The following MACF1 variants were observed in gnomAD, a reference collection of about 807,000 sequenced individuals.
MACF1 encodes microtubule-actin cross-linking factor 1.
A neutral mutation model predicts 854.8 loss-of-function variants in MACF1; 193 were observed. That is an observed-to-expected ratio of 0.23 (90% CI 0.20 to 0.25). MACF1 has a LOEUF of 0.25. Ranked by LOEUF, MACF1 falls within the 10% of genes least tolerant of loss-of-function variation. MACF1 has a pLI of 1.00. For missense variants in MACF1, 7,722 were observed against 8,929.1 expected, an observed-to-expected ratio of 0.86 and a Z score of 5.45; for synonymous variants, 3,185 against 3,226.7, an observed-to-expected ratio of 0.99 and a Z score of 0.44.
In MACF1 at chr1:39,336,371, G is replaced by A. The variant is rs2148475750; in HGVS notation, c.9783G>A (p.Gln3261=). 1 of 1,614,208 alleles carries A rather than the reference G, an allele frequency of 6.2e-7. No homozygotes were observed. The highest frequency in any genetic ancestry group is 8.5e-7 in the Non-Finnish European group (1 of 1,180,036). ...EAGSIEDIVT[Q]RGSRVLGSFL... ...GATCCATTGAGGACATAGTGACTCA[G>A]AGAGGTTCCAGAGTCTTGGGATCCT... Residue 3261 remains glutamine, a synonymous_variant, in exon 37 of 101, where the codon CAG becomes CAA. Coordinates refer to ENST00000564288, the MANE Select transcript of MACF1 (RefSeq NM_001394062.1).
At chr1:39,167,758 C>T (rs1643897331) in intron 2 of MACF1, among the ~76,000 whole-genome samples, 1 of 151,658 alleles carries the variant, frequency 6.6e-6, no homozygotes, top group Non-Finnish European at 1.5e-5. Flanking sequence ...CCTATAATCT[C>T]AGCTATTCAG....
chr1:39,214,141 A>AT (rs1644548202), intron 1 of MACF1, among the ~76,000 whole-genome samples: 1 of 152,106 alleles, frequency 6.6e-6, no homozygotes, highest in Admixed American at 6.6e-5. Context: ...TAGCCTGAAG[A>AT]AGTCGTTCTA....
chr1:39,090,381 A>G (rs1641773562), intron 2 of MACF1, among the ~76,000 whole-genome samples: 1 of 152,176 alleles, frequency 6.6e-6, no homozygotes, highest in African/African-American at 2.4e-5. Context: ...GCTACACACC[A>G]CCAGCTCAGC....
chr1:39,165,042 A>G (rs1643869260), intron 2 of MACF1, among the ~76,000 whole-genome samples: 1 of 152,158 alleles, frequency 6.6e-6, no homozygotes, highest in Non-Finnish European at 1.5e-5. Context: ...AGCTGATGAT[A>G]GACTGGGGAT....
Position 39,392,587 on chromosome 1 carries a change from C to T in MACF1, c.15816+3929C>T, listed in dbSNP as rs188126965. ...GAGAAGAGGATATGAATCTGGGAGA[C>T]GGAAACTCTGCTTTAACCCAGCTAA... On this transcript the variant is annotated intron_variant, in intron 58 of 100. Coordinates refer to ENST00000564288, the MANE Select transcript of MACF1 (RefSeq NM_001394062.1). 3.9e-5 allele frequency among the ~76,000 whole-genome samples: 6 copies of T among 152,088 alleles called. No individual in the cohort carries two copies. The East Asian group carries it at 7.7e-4, about 20-fold the overall frequency.
intron 6 of MACF1, among the ~76,000 whole-genome samples, chr1:39,272,910 G>A (rs934928042): frequency 1.3e-5 from 2 of 152,078 alleles, no homozygotes; most frequent in East Asian, 1.9e-4. Context: ...AATAGCAATC[G>A]CTCTTTGATG....
intron 2 of MACF1, among the ~76,000 whole-genome samples, chr1:39,136,212 A>G (rs1643163378): frequency 6.6e-6 from 1 of 152,326 alleles, no homozygotes; most frequent in Admixed American, 6.5e-5. Flanking sequence ...AAGGAGTTCC[A>G]AGTATAAAGA....
chr1:39,358,778 T>C lies in MACF1; in HGVS notation c.12025T>C (p.Trp4009Arg), dbSNP rs910674077. The change falls in exon 46 of 101, where the codon TGG (tryptophan) becomes CGG (arginine). Residue 4009 changes from tryptophan (W) to arginine (R), a missense_variant. By Grantham distance (101) the Trp-to-Arg change is moderately radical. Around this residue, in one of 15 missense-constraint regions of MACF1, gnomAD observed 2,807 missense variants for 3,235.8 expected, o/e 0.87. Coordinates refer to ENST00000564288, the MANE Select transcript of MACF1 (RefSeq NM_001394062.1). Reference sequence around the variant, plus strand: ...AAACAGTGCTGACAGCCTGCAGGCCTGGATGCAGGCTTGTGAGGCCAACGT... The same window carrying C: ...AAACAGTGCTGACAGCCTGCAGGCCCGGATGCAGGCTTGTGAGGCCAACGT... Reference protein sequence around the residue: ...FQNSADSLQAWMQACEANVEK... With the variant: ...FQNSADSLQARMQACEANVEK... The C allele has an allele frequency of 1.9e-6, 3 of 1,613,978 alleles. No homozygotes were observed. Among genetic ancestry groups the C allele is most frequent in the Non-Finnish European group, 2.5e-6 (3 of 1,179,884 alleles).
At chr1:39,119,097 T>A (rs568462150) in intron 2 of MACF1, among the ~76,000 whole-genome samples, 1 of 152,222 alleles carries the variant, frequency 6.6e-6, no homozygotes, top group African/African-American at 2.4e-5. Context: ...GGCGGGCAGA[T>A]CACCTGAGAT....
In MACF1 at chr1:39,361,625, C is replaced by T. The variant is rs777908741; in HGVS notation, c.12719C>T (p.Ala4240Val). ...ATGGAAAACAAAAGTCGGATGCTGG[C>T]CTCTGGAAATCAGCCAGATCAAGAT... The part of the protein sequence containing the change: ...QFMENKSRML[A>V]SGNQPDQDIT... The change falls in exon 49 of 101, where the codon GCC becomes GTC. Residue 4240 changes from alanine (A) to valine (V), a missense_variant. Physicochemically the swap from Ala to Val is moderately conservative, Grantham distance 64 (BLOSUM62 0). Coordinates refer to ENST00000564288, the MANE Select transcript of MACF1 (RefSeq NM_001394062.1). 6.2e-7 allele frequency: 1 copy of T among 1,614,186 alleles called. No individual in the cohort carries two copies. Among genetic ancestry groups the T allele is most frequent in the Non-Finnish European group, 8.5e-7 (1 of 1,180,030 alleles).
At position 39,444,805 on chromosome 1, in the gene MACF1, T is replaced by C. The variant is rs143526587; in HGVS notation, c.19575T>C (p.His6525=). The change falls in exon 80 of 101, where the codon CAT becomes CAC. Residue 6525 remains histidine, a synonymous_variant. Transcript: ENST00000564288. ...TAGCACTTTTGGAGCAGAAGTGGCATGTGGTCAGCAGTAAGATGGAAGAAA... is the reference window on the plus strand; with the variant it reads ...TAGCACTTTTGGAGCAGAAGTGGCACGTGGTCAGCAGTAAGATGGAAGAAA... ...QSVALLEQKW[H]VVSSKMEERK... The C allele has an allele frequency of 2.2e-5, 35 of 1,612,736 alleles. No individual in the cohort carries two copies. Among genetic ancestry groups the C allele is most frequent in the African/African-American group, 2.7e-5 (2 of 74,896 alleles).
rs565247604 is a variant in MACF1, at chr1:39,116,005, T to C, written c.220+31567T>C. 1.1e-3 allele frequency among the ~76,000 whole-genome samples: 174 copies of C among 152,246 alleles called. 1 individual carries two copies. Among genetic ancestry groups the C allele is most frequent in the Non-Finnish European group, 1.9e-3 (126 of 68,018 alleles). ...AAGTGCAGAAGAGGAGTCAGTGACC[T>C]TTGGAACTTGGACTTTGAAGGAAGA... is the stretch of plus-strand genomic sequence containing the variant. On this transcript the variant is annotated intron_variant, in intron 2 of 93. Coordinates refer to the MACF1 transcript ENST00000361689.
chr1:39,225,795 C>T (rs1644709740), intron 1 of MACF1, among the ~76,000 whole-genome samples: 1 of 152,122 alleles, frequency 6.6e-6, no homozygotes, highest in Admixed American at 6.5e-5. Flanking sequence ...TTCTGCCTAA[C>T]CTTCAATGTT....
Position 39,331,979 on chromosome 1 carries a change from A to C in MACF1, c.5391A>C (p.Gln1797His). 1.9e-6 allele frequency: 3 copies of C among 1,614,122 alleles called. No individual in the cohort carries two copies. Among genetic ancestry groups the C allele is most frequent in the Non-Finnish European group, 2.5e-6 (3 of 1,180,022 alleles). Residue 1797 changes from glutamine to histidine, a missense_variant, in exon 37 of 101, where the codon CAA becomes CAC. Physicochemically the swap from Gln to His is conservative, Grantham distance 24. This residue lies in a region of MACF1 where 1,531 missense variants were observed against 1,601.6 expected (regional missense o/e 0.96). Transcript: ENST00000564288. ...CTGTAAGACATAATCTGATTGACCA[A>C]GATATGGCCTGTGCTATCCTCATAA... ...EEAVRHNLID[Q>H]DMACAILIRQ... is the part of the protein sequence containing the mutation.
chr1:39,281,974 A>G (rs955070304), intron 6 of MACF1, among the ~76,000 whole-genome samples: 1 of 152,070 alleles, frequency 6.6e-6, no homozygotes, highest in African/African-American at 2.4e-5. Flanking sequence ...CCAATCGTGA[A>G]TAATATCATT....
chr1:39,161,761 G>A (rs1643802776), intron 2 of MACF1, among the ~76,000 whole-genome samples: 1 of 152,118 alleles, frequency 6.6e-6, no homozygotes, highest in Admixed American at 6.5e-5. Flanking sequence ...CAGCTACTCA[G>A]GAGGCTGAGG....
chr1:39,230,675 C>T (rs927212376), intron 1 of MACF1, among the ~76,000 whole-genome samples: 1 of 151,496 alleles, frequency 6.6e-6, no homozygotes, highest in African/African-American at 2.4e-5. Flanking sequence ...GTAAGCTGGG[C>T]AGCTTTGAGA....
chr1:39,359,978 C>A (rs1647932910), intron 47 of MACF1, among the ~76,000 whole-genome samples: 1 of 81,848 alleles, frequency 1.2e-5, no homozygotes, highest in Non-Finnish European at 2.2e-5. Flanking sequence ...CACAGCAAGA[C>A]TCCGTCTCAA....
intron 2 of MACF1, among the ~76,000 whole-genome samples, chr1:39,195,035 GC>G (rs1373438434): frequency 6.6e-6 from 1 of 152,122 alleles, no homozygotes; most frequent in African/African-American, 2.4e-5. Flanking sequence ...CTTCCTTCCA[GC>G]TCCAAGGAAA....
Sources: gnomAD v4.1 joint callset for allele counts (sites outside exome capture counted in the v4.1 genomes callset) on GRCh38, gnomAD v4.1.1 for gene constraint, gnomAD v4.1.1 regional missense constraint, MANE v1.5 for transcripts, NCBI Gene and HGNC (gene_info 2026-07-23, HGNC 2026-07-21) for gene names.